SGCZ: variants seen among roughly 807,000 people sequenced by gnomAD.
SGCZ encodes zeta-sarcoglycan.
Under a neutral mutation model 41.3 loss-of-function variants are expected in SGCZ, and 40 were observed. That is an observed-to-expected ratio of 0.97 (90% CI 0.75 to 1.26). The LOEUF is 1.26. SGCZ is among the 50% of genes most tolerant of loss of function. The pLI is 0.00. For missense variants in SGCZ, 552 were observed against 369.8 expected (o/e 1.49, Z -4.04); for synonymous variants, 206 against 137.5 (o/e 1.50, Z -3.49).
At chr8:14,809,099 A>G (rs1364735011) in intron 1 of SGCZ, among the ~76,000 whole-genome samples, 15 of 148,034 alleles carry the variant, frequency 1.0e-4, no homozygotes, top group East Asian at 2.1e-4. Context: ...TGGAGGGGGG[A>G]GGGATAGCAT....
intron 1 of SGCZ, among the ~76,000 whole-genome samples, chr8:14,854,050 T>TATATAC (rs1056242460): frequency 7.2e-6 from 1 of 138,806 alleles, no homozygotes; most frequent in African/African-American, 2.6e-5. Context: ...TATATATATA[T>TATATAC]ATATATCCTT....
intron 2 of SGCZ, among the ~76,000 whole-genome samples, chr8:14,536,956 A>C (rs1803315760): frequency 6.6e-6 from 1 of 151,984 alleles, no homozygotes; most frequent in South Asian, 2.1e-4. Flanking sequence ...CCAAGATTCT[A>C]TAAAAAGGAA....
chr8:15,221,251 G>A (rs1296638117), intron 1 of SGCZ, among the ~76,000 whole-genome samples: 2 of 152,144 alleles, frequency 1.3e-5, no homozygotes, highest in Non-Finnish European at 2.9e-5. Flanking sequence ...TTGCGAAGAA[G>A]GGTGTATTAA....
At chr8:14,810,119 A>G (rs1257850195) in intron 1 of SGCZ, among the ~76,000 whole-genome samples, 1 of 152,088 alleles carries the variant, frequency 6.6e-6, no homozygotes, top group Non-Finnish European at 1.5e-5. Context: ...AATGGCAAAA[A>G]AATTTCAGGA....
chr8:14,399,589 G>A (rs541695163), intron 2 of SGCZ, among the ~76,000 whole-genome samples: 2 of 152,168 alleles, frequency 1.3e-5, no homozygotes, highest in South Asian at 2.1e-4. Flanking sequence ...ACATTCTGCA[G>A]TATGTTTTTT....
At chr8:14,569,673 A>G (rs1804491561) in intron 1 of SGCZ, among the ~76,000 whole-genome samples, 1 of 152,192 alleles carries the variant, frequency 6.6e-6, no homozygotes, top group South Asian at 2.1e-4. Context: ...GGAGCTCAAG[A>G]ATGCCAAGGA....
At chr8:14,962,264 T>G (rs1000915824) in intron 1 of SGCZ, among the ~76,000 whole-genome samples, 1 of 152,116 alleles carries the variant, frequency 6.6e-6, no homozygotes, top group African/African-American at 2.4e-5. Context: ...GTTTATATAT[T>G]TTTATTCCTT....
intron 1 of SGCZ, among the ~76,000 whole-genome samples, chr8:14,915,307 A>G (rs186327181): frequency 6.6e-6 from 1 of 152,322 alleles, no homozygotes; most frequent in African/African-American, 2.4e-5. Context: ...CTCTAGAAAT[A>G]AAACCTAGTC....
At position 14,640,647 on chromosome 8, in the gene SGCZ, GGGGTGT is replaced by G. The variant is rs767338568; in HGVS notation, c.40-85727_40-85722del. ...ACATATATGTGCAAACATATATATA[GGGGTGT>G]GTGTGTGTGTGTGTGTGTGTATATA... On this transcript the variant is annotated intron_variant, in intron 1 of 7. Transcript: ENST00000382080. Among the ~76,000 whole-genome samples the G allele has an allele frequency of 9.9e-4, 73 of 73,368 alleles. 2 individuals carry two copies. The highest frequency in any genetic ancestry group is 6.8e-3 in the Middle Eastern group (1 of 148). 48.1% of individuals were successfully genotyped at this position (73,368 alleles called of 152,430 possible). A position where few individuals can be genotyped will look rare whatever the true frequency, so the allele number is the denominator to read the frequency against.
At chr8:14,965,535 G>A (rs1801103643) in intron 1 of SGCZ, among the ~76,000 whole-genome samples, 1 of 152,114 alleles carries the variant, frequency 6.6e-6, no homozygotes, top group Non-Finnish European at 1.5e-5. Flanking sequence ...ATTATATGAT[G>A]ATCACAAGCC....
At chr8:14,289,758 T>C (rs1800775809) in intron 3 of SGCZ, among the ~76,000 whole-genome samples, 1 of 151,236 alleles carries the variant, frequency 6.6e-6, no homozygotes, top group African/African-American at 2.4e-5. Flanking sequence ...TGCATATACA[T>C]ATATAGAAGA....
chr8:15,024,605 G>A (rs1419173162), intron 1 of SGCZ, among the ~76,000 whole-genome samples: 1 of 152,042 alleles, frequency 6.6e-6, no homozygotes, highest in Non-Finnish European at 1.5e-5. Flanking sequence ...GTGTAACCAG[G>A]CCCAGGTTAC....
At chr8:14,503,854 CTT>C (rs1802227924) in intron 2 of SGCZ, among the ~76,000 whole-genome samples, 1 of 151,976 alleles carries the variant, frequency 6.6e-6, no homozygotes, top group African/African-American at 2.4e-5. Context: ...CATTTATAGA[CTT>C]ATTTGAAGAG....
intron 1 of SGCZ, among the ~76,000 whole-genome samples, chr8:14,620,287 T>C (rs1414411883): frequency 2.0e-5 from 3 of 152,062 alleles, no homozygotes; most frequent in Non-Finnish European, 4.4e-5. Flanking sequence ...CAAAAATTAA[T>C]TCAAGATGGA....
chr8:15,081,839 G>A (rs1035037612), intron 1 of SGCZ, among the ~76,000 whole-genome samples: 4 of 152,102 alleles, frequency 2.6e-5, no homozygotes, highest in Admixed American at 1.3e-4. Context: ...AGATACAAAG[G>A]AACAGATCAT....
intron 2 of SGCZ, among the ~76,000 whole-genome samples, chr8:14,451,014 T>C (rs1295934707): frequency 6.6e-6 from 1 of 152,138 alleles, no homozygotes; most frequent in East Asian, 1.9e-4. Flanking sequence ...GCTGCTTTGC[T>C]CCAAAACCAC....
At chr8:14,951,832 G>A (rs1800651371) in intron 1 of SGCZ, among the ~76,000 whole-genome samples, 1 of 152,020 alleles carries the variant, frequency 6.6e-6, no homozygotes. Context: ...ATGTATAGCA[G>A]AAGAAAATTA....
At chr8:14,726,461 C>G (rs926572913) in intron 1 of SGCZ, among the ~76,000 whole-genome samples, 1 of 150,668 alleles carries the variant, frequency 6.6e-6, no homozygotes, top group Non-Finnish European at 1.5e-5. Context: ...AGTCATTTAA[C>G]AAAAGCTGTT....
chr8:14,261,746 G>C (rs1037710836), intron 3 of SGCZ, among the ~76,000 whole-genome samples: 9 of 152,102 alleles, frequency 5.9e-5, no homozygotes, highest in Non-Finnish European at 1.2e-4. Flanking sequence ...CTTTAGGATG[G>C]AGTAACAGAC....
Sources: allele counts gnomAD v4.1 joint callset (sites outside exome capture counted in the v4.1 genomes callset), GRCh38; gene constraint gnomAD v4.1.1; transcripts MANE v1.5; gene names NCBI Gene and HGNC (gene_info 2026-07-23, HGNC 2026-07-21).